Variants in GMCL1 observed in about 807,000 individuals in gnomAD.
The protein encoded by GMCL1 is germ cell-less 1, spermatogenesis associated, also known as germ cell-less protein-like 1.
Under a neutral mutation model 75.5 loss-of-function variants are expected in GMCL1, and 54 were observed. That is an observed-to-expected ratio of 0.71 (90% CI 0.57 to 0.90). The LOEUF (loss-of-function observed/expected upper bound fraction) is 0.90. Ranked by LOEUF, GMCL1 falls within the 40% of genes least tolerant of loss-of-function variation. The probability of loss-of-function intolerance (pLI) is 0.00; values close to 1 mark genes in which losing one functional copy is unlikely to be tolerated. For synonymous variants in GMCL1, 210 were observed against 209.6 expected (o/e 1.00, Z -0.02); for missense variants, 537 against 622.7 (o/e 0.86, Z 1.47).
At chr2:69,843,111 G>T (rs753896134) in intron 4 of GMCL1, 38 bp from the exon 5 acceptor site, 3 of 1,086,148 alleles carry the variant, frequency 2.8e-6, no homozygotes, top group South Asian at 3.1e-5. Context: ...TTTTTCCCAC[G>T]TGAAATGGGC....
intron 8 of GMCL1, among the ~76,000 whole-genome samples, chr2:69,850,307 C>T (rs968055796): frequency 1.3e-5 from 2 of 152,034 alleles, no homozygotes; most frequent in Admixed American, 1.3e-4. Flanking sequence ...CTTATCTGTG[C>T]AAAGGAGGGC....
At chr2:69,853,864 G>T (rs536609269) in intron 8 of GMCL1, among the ~76,000 whole-genome samples, 1 of 151,984 alleles carries the variant, frequency 6.6e-6, no homozygotes, top group Non-Finnish European at 1.5e-5. Context: ...GTGCAGTGGC[G>T]CAATCTCAGC....
chr2:69,850,330 A>G (rs1165273932), intron 8 of GMCL1, among the ~76,000 whole-genome samples: 3 of 151,680 alleles, frequency 2.0e-5, no homozygotes, highest in South Asian at 4.2e-4. Flanking sequence ...GCAATATAAA[A>G]AAAATACATG....
intron 9 of GMCL1, among the ~76,000 whole-genome samples, chr2:69,856,507 C>G (rs193236896): frequency 4.5e-4 from 69 of 152,242 alleles, no homozygotes; most frequent in African/African-American, 1.4e-3. Flanking sequence ...GGTTCATTAA[C>G]TGTCTTATTC....
chr2:69,837,303 C>G (rs3771534), intron 1 of GMCL1, among the ~76,000 whole-genome samples: 2 of 151,946 alleles, frequency 1.3e-5, no homozygotes, highest in African/African-American at 4.8e-5. Flanking sequence ...CATGCTGCCC[C>G]CCTTTCTCCA....
rs1438501698 is a variant in GMCL1 at position 69,847,578 on chromosome 2, A to T, written c.794A>T (p.Asn265Ile). The change falls in exon 7 of 14, where the codon AAC becomes ATC. Residue 265 changes from asparagine to isoleucine, a missense_variant. Physicochemically the swap from Asn to Ile is moderately radical, Grantham distance 149. Coordinates refer to ENST00000282570, the MANE Select transcript of GMCL1 (RefSeq NM_178439.5). Reference sequence around the variant, plus strand: ...ATGAAACAGCTCATTGGTTCATCTAACTTATTTGTGATGCAAGTGGAGATG... The same window carrying T: ...ATGAAACAGCTCATTGGTTCATCTATCTTATTTGTGATGCAAGTGGAGATG... The part of the protein sequence containing the change: ...NVMKQLIGSS[N>I]LFVMQVEMDI... 1.2e-6 allele frequency: 2 copies of T among 1,611,412 alleles called. No homozygotes were observed. The highest frequency in any genetic ancestry group is 4.5e-5 in the East Asian group (2 of 44,770).
chr2:69,832,614 C>T (rs1674706982), intron 1 of GMCL1, among the ~76,000 whole-genome samples: 2 of 152,186 alleles, frequency 1.3e-5, no homozygotes, highest in Non-Finnish European at 2.9e-5. Flanking sequence ...ATCTTATTTT[C>T]CCTCCTTTCA....
chr2:69,865,886 C>T (rs1235725790), intron 11 of GMCL1, among the ~76,000 whole-genome samples: 1 of 152,110 alleles, frequency 6.6e-6, no homozygotes, highest in African/African-American at 2.4e-5. Context: ...TCTCCCATCC[C>T]AGCCTCCCAA....
chr2:69,830,296 C>T, intron 1 of GMCL1, 144 bp downstream of exon 1: 1 of 1,106,698 alleles, frequency 9.0e-7, no homozygotes, highest in Non-Finnish European at 1.2e-6. Context: ...ATGTGGAAGC[C>T]GGCCCGATGC....
At chr2:69,867,898 C>T (rs1675867212) in intron 11 of GMCL1, among the ~76,000 whole-genome samples, 1 of 152,220 alleles carries the variant, frequency 6.6e-6, no homozygotes, top group Non-Finnish European at 1.5e-5. Context: ...AAGGGCAATG[C>T]TCCCACCCTT....
intron 8 of GMCL1, among the ~76,000 whole-genome samples, chr2:69,851,558 C>T (rs1159373967): frequency 6.6e-6 from 1 of 151,820 alleles, no homozygotes; most frequent in Admixed American, 6.6e-5. Context: ...TGCAGGGGGC[C>T]GAGATTGCGC....
rs1675186459 is a variant in GMCL1, at chr2:69,847,436, T to G, written c.759-107T>G. The G allele has an allele frequency of 1.7e-5, 13 of 764,652 alleles. No homozygotes were observed. In the Admixed American group the frequency reaches 2.5e-4, roughly 15 times the overall value. 47.4% of individuals were successfully genotyped at this position (764,652 alleles called of 1,614,324 possible). On this transcript the variant is annotated intron_variant, in intron 6 of 13. Transcript: ENST00000282570. ...TGGGCAGAAGGACTGCTGTCATTTT[T>G]AATTCCACATATTTTTTTACAAGAA...
chr2:69,868,750 G>T (rs1002850399), intron 11 of GMCL1, among the ~76,000 whole-genome samples: 1 of 150,488 alleles, frequency 6.6e-6, no homozygotes, highest in Admixed American at 6.6e-5. Context: ...ATTTTAATGG[G>T]CTCTTAATTA....
At chr2:69,861,235 T>G in intron 9 of GMCL1, 43 bp from the exon 10 acceptor site, 1 of 1,298,566 alleles carries the variant, frequency 7.7e-7, no homozygotes, top group African/African-American at 1.5e-5. Context: ...CTTTATGTTC[T>G]TCAGTCGTTA....
chr2:69,870,863 A>G (rs1208007385), intron 12 of GMCL1, among the ~76,000 whole-genome samples: 5 of 152,218 alleles, frequency 3.3e-5, no homozygotes, highest in African/African-American at 1.2e-4. Flanking sequence ...TAGAAAAAAA[A>G]CAACAAAAGT....
At chr2:69,878,328 G>A (rs948498408) in intron 13 of GMCL1, among the ~76,000 whole-genome samples, 9 of 152,174 alleles carry the variant, frequency 5.9e-5, no homozygotes, top group East Asian at 5.8e-4. Context: ...TGTACCCAAC[G>A]GCCATCAGTA....
At chr2:69,841,303 G>A (rs1277061641) in intron 4 of GMCL1, among the ~76,000 whole-genome samples, 3 of 152,064 alleles carry the variant, frequency 2.0e-5, no homozygotes, top group Non-Finnish European at 2.9e-5. Flanking sequence ...TGGAAAAAAC[G>A]TACTTGTCTA....
intron 13 of GMCL1, among the ~76,000 whole-genome samples, chr2:69,878,286 A>G (rs1388300849): frequency 6.6e-6 from 1 of 152,154 alleles, no homozygotes; most frequent in East Asian, 1.9e-4. Flanking sequence ...TGATGATGAT[A>G]ATGACTCCCG....
chr2:69,860,969 A>G (rs565616286), intron 9 of GMCL1, among the ~76,000 whole-genome samples: 1 of 152,066 alleles, frequency 6.6e-6, no homozygotes, highest in Non-Finnish European at 1.5e-5. Flanking sequence ...CAGCCCCCCA[A>G]GTAGTTGGGA....
Sources: allele counts gnomAD v4.1 joint callset (sites outside exome capture counted in the v4.1 genomes callset), GRCh38; gene constraint gnomAD v4.1.1; transcripts MANE v1.5; gene names NCBI Gene and HGNC (gene_info 2026-07-23, HGNC 2026-07-21).